Variants in PLB1 observed in about 807,000 individuals in gnomAD.
PLB1 encodes phospholipase B1, also known as phospholipase B1, membrane-associated.
PLB1 carries 242 observed loss-of-function variants against 227.4 expected under a neutral mutation model. The observed-to-expected ratio is 1.06, with a 90% CI of 0.96 to 1.18. PLB1 has a LOEUF of 1.18. Among genes scored for constraint, PLB1 ranks in the 50% most tolerant of loss-of-function variants. PLB1 has a pLI of 0.00. For missense variants in PLB1, 1,858 were observed against 1,816.3 expected (o/e 1.02, Z -0.42); for synonymous variants, 757 against 682.2 (o/e 1.11, Z -1.71).
chr2:28,526,445 A>G (rs1670280230), intron 6 of PLB1, among the ~76,000 whole-genome samples: 1 of 152,246 alleles, frequency 6.6e-6, no homozygotes, highest in Non-Finnish European at 1.5e-5. Flanking sequence ...AAAGTCAACT[A>G]TAATCCCACT....
chr2:28,591,480 C>G (rs954775132), intron 30 of PLB1, among the ~76,000 whole-genome samples: 1 of 152,204 alleles, frequency 6.6e-6, no homozygotes, highest in African/African-American at 2.4e-5. Context: ...CTGATTCTTG[C>G]ATTGGACGGT....
chr2:28,519,586 G>A (rs1669248734), intron 3 of PLB1, 119 bp from the exon 4 acceptor site: 3 of 724,994 alleles, frequency 4.1e-6, no homozygotes. Flanking sequence ...CCAACAGACT[G>A]GACCTCCGCA....
chr2:28,556,307 C>A (rs781568230), intron 17 of PLB1, among the ~76,000 whole-genome samples: 1 of 152,158 alleles, frequency 6.6e-6, no homozygotes, highest in Non-Finnish European at 1.5e-5. Flanking sequence ...GCCCTGGCAA[C>A]TTGGGTGCCT....
At chr2:28,538,763 C>T (rs769571270) in intron 10 of PLB1, among the ~76,000 whole-genome samples, 1 of 152,148 alleles carries the variant, frequency 6.6e-6, no homozygotes, top group Non-Finnish European at 1.5e-5. Context: ...GTTGCTGTGG[C>T]CCTGCCTTCC....
chr2:28,574,584 A>G (rs1191463559), intron 21 of PLB1, among the ~76,000 whole-genome samples: 2 of 139,524 alleles, frequency 1.4e-5, no homozygotes, highest in African/African-American at 5.5e-5. Flanking sequence ...TTTGGTAGAG[A>G]CAGGGTTTCA....
In PLB1 at chr2:28,585,812, T is replaced by C. The variant is rs1680810886; in HGVS notation, c.1785T>C (p.Ala595=). ...TTGATGATAACTCAACAGAACTTGC[T>C]ACCCTCATCGAATTCAACAAGAAGT... ...LKFDDNSTEL[A]TLIEFNKKFQ... is the part of the protein sequence containing the mutation. Residue 595 remains alanine (A), a synonymous_variant, in exon 26 of 58, where the codon GCT becomes GCC. Transcript: ENST00000327757. The C allele has an allele frequency of 3.1e-6, 5 of 1,612,380 alleles. No individual in the cohort carries two copies. Among genetic ancestry groups the C allele is most frequent in the Non-Finnish European group, 4.2e-6 (5 of 1,178,346 alleles).
At chr2:28,620,219 C>A (rs763432608) in intron 46 of PLB1, 46 bp from the exon 47 acceptor site, 7 of 1,419,386 alleles carry the variant, frequency 4.9e-6, no homozygotes, top group Non-Finnish European at 9.6e-7. Flanking sequence ...CTTCCAGTGC[C>A]CTCAGCCTAT....
Position 28,602,829 on chromosome 2 carries a change from A to T in PLB1, c.2682A>T (p.Arg894Ser). 1 of 1,614,060 alleles carries T rather than the reference A, an allele frequency of 6.2e-7. No homozygotes were observed. The highest frequency in any genetic ancestry group is 1.1e-5 in the South Asian group (1 of 91,076). The change falls in exon 39 of 58, where the codon AGA becomes AGT. Residue 894 changes from arginine to serine, a missense_variant. Coordinates refer to ENST00000327757, the MANE Select transcript of PLB1 (RefSeq NM_153021.5). ...TGCAGCTTTTCCCTTAGGTGCCCAG[A>T]GTCCTGGTCAACCTCGTGGACTTCC... Reference protein sequence around the residue: ...ALDVLHREVPRVLVNLVDFLN... With the variant: ...ALDVLHREVPSVLVNLVDFLN...
At chr2:28,510,598 T>A (rs941330786) in intron 1 of PLB1, among the ~76,000 whole-genome samples, 17 of 144,942 alleles carry the variant, frequency 1.2e-4, no homozygotes, top group Non-Finnish European at 2.2e-4. Flanking sequence ...TACTCCTGAT[T>A]GTTTTTTCTT....
At position 28,625,998 on chromosome 2, in the gene PLB1, CT is replaced by C. The variant is rs774136235; in HGVS notation, c.3580-414del. ...TGGGAAGCCCCACTTTGTTGCTTTT[CT>C]TTTTTTTTTTTTTTTAGACGGAGTC... is the stretch of plus-strand genomic sequence containing the variant. On this transcript the variant is annotated intron_variant, in intron 50 of 57. Transcript: ENST00000327757. Among the ~76,000 whole-genome samples the C allele has an allele frequency of 7.0e-3, 953 of 137,004 alleles. 4 individuals carry two copies. The highest frequency in any genetic ancestry group is 0.017 in the African/African-American group (653 of 37,676). The allele number at this position is 137,004 out of a possible 152,430, so 89.9% of individuals were successfully genotyped here.
At chr2:28,504,895 G>A (rs940127443) in intron 1 of PLB1, among the ~76,000 whole-genome samples, 1 of 151,966 alleles carries the variant, frequency 6.6e-6, no homozygotes, top group African/African-American at 2.4e-5. Flanking sequence ...ACTATACCTG[G>A]TTATCTTTTA....
In PLB1 at chr2:28,585,596, C is replaced by A. The variant is rs530908148; in HGVS notation, c.1734-165C>A. The A allele has an allele frequency of 9.8e-6, 6 of 614,054 alleles. No individual in the cohort carries two copies. The East Asian group carries it at 1.7e-4, about 18-fold the overall frequency. 38.0% of individuals were successfully genotyped at this position (614,054 alleles called of 1,614,324 possible). A position where few individuals can be genotyped will look rare whatever the true frequency, so the allele number is the denominator to read the frequency against. Reference sequence around the variant, plus strand: ...CTGGCCTGGAAATCTTCTTTAGCTTCGTTTGGTATGGTCAGCAGGTCAGCC... The same window carrying A: ...CTGGCCTGGAAATCTTCTTTAGCTTAGTTTGGTATGGTCAGCAGGTCAGCC... On this transcript the variant is annotated intron_variant, in intron 25 of 57. Coordinates refer to ENST00000327757, the MANE Select transcript of PLB1 (RefSeq NM_153021.5).
intron 14 of PLB1, among the ~76,000 whole-genome samples, chr2:28,545,305 G>A (rs975231252): frequency 6.6e-5 from 10 of 152,144 alleles, no homozygotes; most frequent in Non-Finnish European, 4.4e-5. Context: ...GACATGGGGG[G>A]CAGGGAGAGA....
chr2:28,556,986 G>A (rs765266389), intron 17 of PLB1, among the ~76,000 whole-genome samples: 11 of 151,964 alleles, frequency 7.2e-5, no homozygotes, highest in Non-Finnish European at 1.3e-4. Context: ...TCATCTCATC[G>A]TGAGCCAGCA....
intron 4 of PLB1, among the ~76,000 whole-genome samples, chr2:28,520,310 ATT>A (rs1291278333): frequency 1.3e-5 from 2 of 152,216 alleles, no homozygotes; most frequent in East Asian, 3.9e-4. Flanking sequence ...CCATTAATAA[ATT>A]AAATCCATTA....
At position 28,626,522 on chromosome 2, in the gene PLB1, C is replaced by T; in HGVS notation, c.3660+14C>T. Reference sequence around the variant, plus strand: ...TGTGAGAATCCGGTAGGCCCCCGACCAACCCCATGGGGACCTGAGAAGGAA... The same window carrying T: ...TGTGAGAATCCGGTAGGCCCCCGACTAACCCCATGGGGACCTGAGAAGGAA... On this transcript the variant is annotated intron_variant, in intron 51 of 57. Coordinates refer to ENST00000327757, the MANE Select transcript of PLB1 (RefSeq NM_153021.5). 6.2e-7 allele frequency: 1 copy of T among 1,610,414 alleles called. No individual in the cohort carries two copies. Among genetic ancestry groups the T allele is most frequent in the East Asian group, 2.2e-5 (1 of 44,852 alleles).
intron 20 of PLB1, among the ~76,000 whole-genome samples, chr2:28,567,072 G>A (rs1018698748): frequency 6.6e-6 from 1 of 152,118 alleles, no homozygotes; most frequent in Non-Finnish European, 1.5e-5. Flanking sequence ...GGGCGGGGAG[G>A]TGTCAAAAAG....
intron 1 of PLB1, among the ~76,000 whole-genome samples, chr2:28,512,185 T>G (rs1668360523): frequency 6.6e-6 from 1 of 151,560 alleles, no homozygotes; most frequent in Non-Finnish European, 1.5e-5. Context: ...TTCTTCAATC[T>G]TTTTTCCTCT....
intron 5 of PLB1, 109 bp from the exon 6 acceptor site, chr2:28,525,796 G>A (rs113584360): frequency 1.0e-5 from 14 of 1,367,304 alleles, no homozygotes; most frequent in African/African-American, 1.4e-5. Context: ...CAGAACCAGA[G>A]CAAGGCTAGG....
Sources: allele counts gnomAD v4.1 joint callset (sites outside exome capture counted in the v4.1 genomes callset), GRCh38; gene constraint gnomAD v4.1.1; transcripts MANE v1.5; gene names NCBI Gene and HGNC (gene_info 2026-07-23, HGNC 2026-07-21).